The following BMAL1 variants were observed in gnomAD, a reference collection of about 807,000 sequenced individuals.
The protein encoded by BMAL1 is basic helix-loop-helix ARNT like 1, also known as basic helix-loop-helix ARNT-like protein 1.
the BMAL1 span, among the ~76,000 whole-genome samples, chr11:13,318,913 A>G: frequency 1.3e-5 from 2 of 152,254 alleles, no homozygotes; most frequent in Admixed American, 1.3e-4. Context: ...GTGCTTTAAC[A>G]TAAGCAACAA....
At chr11:13,323,532 G>A in the BMAL1 span, among the ~76,000 whole-genome samples, 4 of 152,090 alleles carry the variant, frequency 2.6e-5, no homozygotes, top group African/African-American at 9.7e-5. Flanking sequence ...GGCCTAAAAT[G>A]TGGGCATCAT....
the BMAL1 span, among the ~76,000 whole-genome samples, chr11:13,304,732 C>A: frequency 6.6e-6 from 1 of 152,160 alleles, no homozygotes; most frequent in Non-Finnish European, 1.5e-5. Flanking sequence ...GTGAGATATG[C>A]CTACTGGAGT....
the BMAL1 span, among the ~76,000 whole-genome samples, chr11:13,337,415 T>C: frequency 6.6e-6 from 1 of 152,204 alleles, no homozygotes; most frequent in Non-Finnish European, 1.5e-5. Context: ...ATTAAATGTA[T>C]ATCTATTTAT....
chr11:13,281,039 C>T, the BMAL1 span, among the ~76,000 whole-genome samples: 2 of 152,158 alleles, frequency 1.3e-5, no homozygotes, highest in Non-Finnish European at 2.9e-5. Context: ...GTGCCTGCCT[C>T]GTGGAGTCTG....
the BMAL1 span, chr11:13,375,713 C>G: frequency 1.2e-6 from 2 of 1,601,546 alleles, no homozygotes; most frequent in Non-Finnish European, 1.7e-6. Flanking sequence ...TTTCATGAAC[C>G]CTTGGACCAA....
the BMAL1 span, among the ~76,000 whole-genome samples, chr11:13,307,374 G>A: frequency 6.6e-6 from 1 of 152,224 alleles, no homozygotes. Flanking sequence ...GCTCCAAGGA[G>A]CACTGATGAG....
the BMAL1 span, among the ~76,000 whole-genome samples, chr11:13,313,129 G>C: frequency 6.6e-6 from 1 of 152,214 alleles, no homozygotes; most frequent in African/African-American, 2.4e-5. Context: ...CCAATGCCCA[G>C]CTGACTGCTC....
the BMAL1 span, chr11:13,379,434 A>T: frequency 6.6e-6 from 1 of 152,140 alleles, no homozygotes; most frequent in African/African-American, 2.4e-5. Flanking sequence ...CTCTTTTCCA[A>T]CCCCACAGGA....
the BMAL1 span, among the ~76,000 whole-genome samples, chr11:13,284,602 T>C: frequency 2.0e-5 from 3 of 150,350 alleles, no homozygotes; most frequent in East Asian, 3.9e-4. Context: ...TGAGATGCTC[T>C]GGAAATTGTC....
the BMAL1 span, among the ~76,000 whole-genome samples, chr11:13,312,698 A>C: frequency 1.3e-5 from 2 of 152,220 alleles, no homozygotes; most frequent in Non-Finnish European, 2.9e-5. Flanking sequence ...CTCCAAAGGC[A>C]GGCTCCTATT....
the BMAL1 span, among the ~76,000 whole-genome samples, chr11:13,315,581 G>C: frequency 6.6e-6 from 1 of 152,308 alleles, no homozygotes; most frequent in African/African-American, 2.4e-5. Flanking sequence ...CCAGATGCTG[G>C]ACTGTGGGTT....
At chr11:13,289,451 T>C in the BMAL1 span, among the ~76,000 whole-genome samples, 1 of 152,228 alleles carries the variant, frequency 6.6e-6, no homozygotes, top group Non-Finnish European at 1.5e-5. Context: ...GTTACATAGG[T>C]ATACATGTGC....
the BMAL1 span, among the ~76,000 whole-genome samples, chr11:13,288,039 G>T: frequency 1.3e-5 from 2 of 152,190 alleles, no homozygotes; most frequent in African/African-American, 4.8e-5. Flanking sequence ...CTTTAAGGAT[G>T]GTAGGATTTC....
chr11:13,288,652 C>T, the BMAL1 span, among the ~76,000 whole-genome samples: 2 of 151,882 alleles, frequency 1.3e-5, no homozygotes, highest in Non-Finnish European at 2.9e-5. Flanking sequence ...ATATTTCTCT[C>T]TAAAGCATCA....
At chr11:13,359,781 C>T in the BMAL1 span, among the ~76,000 whole-genome samples, 1 of 152,204 alleles carries the variant, frequency 6.6e-6, no homozygotes, top group African/African-American at 2.4e-5. Context: ...TGTCCCCTTT[C>T]AGTCCTGGGA....
At chr11:13,290,847 C>G in the BMAL1 span, among the ~76,000 whole-genome samples, 1 of 152,154 alleles carries the variant, frequency 6.6e-6, no homozygotes, top group Non-Finnish European at 1.5e-5. Context: ...TCTCTCTTTT[C>G]CTGGTACCTG....
the BMAL1 span, among the ~76,000 whole-genome samples, chr11:13,315,404 A>C: frequency 1.3e-5 from 2 of 152,164 alleles, no homozygotes; most frequent in African/African-American, 4.8e-5. Context: ...GCGCTTATGG[A>C]CTGCTCACCT....
the BMAL1 span, among the ~76,000 whole-genome samples, chr11:13,361,605 TCTC>T: frequency 6.6e-6 from 1 of 152,134 alleles, no homozygotes; most frequent in Non-Finnish European, 1.5e-5. Flanking sequence ...TCTCTATTTA[TCTC>T]CTCATGACGT....
the BMAL1 span, chr11:13,358,289 A>G: frequency 1.0e-6 from 1 of 954,510 alleles, no homozygotes; most frequent in Non-Finnish European, 1.4e-6. Context: ...CTTTAGTTGA[A>G]AAGTCTAATT....
Sources: allele counts gnomAD v4.1 joint callset (sites outside exome capture counted in the v4.1 genomes callset), GRCh38; gene constraint gnomAD v4.1.1; transcripts MANE v1.5; gene names NCBI Gene and HGNC (gene_info 2026-07-23, HGNC 2026-07-21).